Variants in ZNF148 observed in about 807,000 individuals in gnomAD.
ZNF148 encodes zinc finger protein 148.
A neutral mutation model predicts 67.7 loss-of-function variants in ZNF148; 7 were observed. That is an observed-to-expected ratio of 0.10 (90% CI 0.06 to 0.19). The LOEUF (loss-of-function observed/expected upper bound fraction) is 0.19. Among genes scored for constraint, ZNF148 ranks in the 10% least tolerant of loss-of-function variants. The pLI is 1.00. For synonymous variants in ZNF148, 333 were observed against 330.7 expected, an observed-to-expected ratio of 1.01 and a Z score of -0.08; for missense variants, 583 against 947.1, an observed-to-expected ratio of 0.62 and a Z score of 5.05.
intron 5 of ZNF148, among the ~76,000 whole-genome samples, chr3:125,285,058 T>C (rs2107618906): frequency 6.6e-6 from 1 of 152,362 alleles, no homozygotes; most frequent in South Asian, 2.1e-4. Flanking sequence ...TAAGCTCTGA[T>C]GTTTTTACTA....
At chr3:125,257,721 AATTTTT>A (rs1254221389) in intron 7 of ZNF148, among the ~76,000 whole-genome samples, 1 of 151,948 alleles carries the variant, frequency 6.6e-6, no homozygotes, top group East Asian at 1.9e-4. Flanking sequence ...TACCCTCAAA[AATTTTT>A]ATTTTTAATA....
At chr3:125,342,684 T>C (rs1173497061) in intron 1 of ZNF148, among the ~76,000 whole-genome samples, 1 of 151,354 alleles carries the variant, frequency 6.6e-6, no homozygotes, top group African/African-American at 2.4e-5. Context: ...TAAAAAGGAA[T>C]GTTGAAATAT....
At chr3:125,338,888 A>G (rs1941605605) in intron 1 of ZNF148, 1 of 152,188 alleles carries the variant, frequency 6.6e-6, no homozygotes, top group Non-Finnish European at 1.5e-5. Flanking sequence ...TACACTAGGC[A>G]CTGAACACAA....
chr3:125,261,138 T>G (rs1184507195), intron 7 of ZNF148, among the ~76,000 whole-genome samples: 1 of 152,176 alleles, frequency 6.6e-6, no homozygotes, highest in Non-Finnish European at 1.5e-5. Context: ...GGCCATATGA[T>G]CTCTGTCACA....
intron 7 of ZNF148, among the ~76,000 whole-genome samples, chr3:125,262,868 GT>G (rs1305417746): frequency 1.3e-5 from 2 of 152,172 alleles, no homozygotes; most frequent in Non-Finnish European, 2.9e-5. Flanking sequence ...GACACATAAT[GT>G]ATTCAAATGT....
At chr3:125,267,288 C>T (rs1335140725) in intron 7 of ZNF148, among the ~76,000 whole-genome samples, 1 of 151,232 alleles carries the variant, frequency 6.6e-6, no homozygotes, top group Non-Finnish European at 1.5e-5. Flanking sequence ...TAAAGGCCAA[C>T]ATCCCTGATG....
intron 7 of ZNF148, among the ~76,000 whole-genome samples, chr3:125,254,602 TTTCC>T (rs954746109): frequency 1.5e-4 from 23 of 152,364 alleles, no homozygotes; most frequent in African/African-American, 5.5e-4. Flanking sequence ...TTATTAAATG[TTTCC>T]TTCATTTCTA....
chr3:125,228,757 G>A lies in ZNF148; in HGVS notation c.*3584C>T, dbSNP rs754436748. On this transcript the variant is annotated 3_prime_UTR_variant, in exon 9 of 9. Transcript: ENST00000360647. ...TAAAAGTCCTTGATTGTCAAGACAC[G>A]TTTATATATAAACTCTAACTGTGCA... 8 of 152,488 alleles carry A rather than the reference G, an allele frequency of 5.2e-5. No individual in the cohort carries two copies. Among genetic ancestry groups the A allele is most frequent in the Admixed American group, 5.2e-4 (8 of 15,256 alleles). 9.4% of individuals were successfully genotyped at this position (152,488 alleles called of 1,614,324 possible).
chr3:125,348,275 A>C (rs1579868544), intron 1 of ZNF148, among the ~76,000 whole-genome samples: 1 of 152,006 alleles, frequency 6.6e-6, no homozygotes, highest in East Asian at 1.9e-4. Flanking sequence ...AAAAAAAATT[A>C]GTTAAATGAA....
chr3:125,355,726 T>TA (rs35258657), intron 1 of ZNF148, among the ~76,000 whole-genome samples: 31 of 147,586 alleles, frequency 2.1e-4, no homozygotes, highest in East Asian at 4.0e-4. Context: ...AGTCTCTATT[T>TA]AAAAAAAAAA....
intron 4 of ZNF148, chr3:125,310,791 T>A (rs1940166349): frequency 6.5e-6 from 1 of 153,932 alleles, no homozygotes; most frequent in Admixed American, 6.5e-5. Context: ...GTTCTAGAGA[T>A]CTGTTGTACA....
At chr3:125,249,423 C>T (rs1936739308) in intron 7 of ZNF148, among the ~76,000 whole-genome samples, 1 of 152,090 alleles carries the variant, frequency 6.6e-6, no homozygotes, top group South Asian at 2.1e-4. Context: ...TAAAAATGTA[C>T]TCAACATCAC....
At chr3:125,315,797 C>T (rs561727870) in intron 3 of ZNF148, among the ~76,000 whole-genome samples, 20 of 151,630 alleles carry the variant, frequency 1.3e-4, no homozygotes, top group African/African-American at 4.1e-4. Flanking sequence ...AAGCACGCAA[C>T]GTGAAATAAG....
chr3:125,309,591 CA>C (rs1940086099), intron 4 of ZNF148, among the ~76,000 whole-genome samples: 1 of 138,234 alleles, frequency 7.2e-6, no homozygotes, highest in South Asian at 2.3e-4. Context: ...GGCTGAACTA[CA>C]GTTAAAAAAA....
At chr3:125,371,356 CAA>C (rs1236135101) in intron 1 of ZNF148, among the ~76,000 whole-genome samples, 2 of 51,374 alleles carry the variant, frequency 3.9e-5, no homozygotes, top group Non-Finnish European at 6.8e-5. Flanking sequence ...GACCCTGTTT[CAA>C]AAAAAAAAAA....
At chr3:125,326,076 A>T (rs563955533) in intron 2 of ZNF148, among the ~76,000 whole-genome samples, 1 of 152,324 alleles carries the variant, frequency 6.6e-6, no homozygotes, top group African/African-American at 2.4e-5. Context: ...AAAAATGAAA[A>T]AATATTCCCA....
chr3:125,374,801 A>C (rs932027537), intron 1 of ZNF148, among the ~76,000 whole-genome samples: 5 of 145,986 alleles, frequency 3.4e-5, no homozygotes, highest in African/African-American at 5.1e-5. Flanking sequence ...CAAACATCCC[A>C]CCTCCTCCCC....
intron 1 of ZNF148, among the ~76,000 whole-genome samples, chr3:125,362,562 G>GTT (rs35695528): frequency 2.6e-4 from 39 of 147,338 alleles, no homozygotes; most frequent in South Asian, 4.3e-4. Context: ...TTTTGTTTTT[G>GTT]TTTTTTTTTT....
At chr3:125,343,709 G>A (rs908983062) in intron 1 of ZNF148, among the ~76,000 whole-genome samples, 6 of 152,086 alleles carry the variant, frequency 3.9e-5, no homozygotes, top group South Asian at 4.2e-4. Context: ...GCAGCAATCC[G>A]CTCGGGTCCC....
Sources: gnomAD v4.1 joint callset for allele counts (sites outside exome capture counted in the v4.1 genomes callset) on GRCh38, gnomAD v4.1.1 for gene constraint, MANE v1.5 for transcripts, NCBI Gene and HGNC (gene_info 2026-07-23, HGNC 2026-07-21) for gene names.